The following RAB38 variants were observed in gnomAD, a reference collection of about 807,000 sequenced individuals.
The protein encoded by RAB38 is RAB38, member RAS oncogene family.
A neutral mutation model predicts 18.4 loss-of-function variants in RAB38; 15 were observed. The observed-to-expected ratio is 0.82, with a 90% CI of 0.55 to 1.26. RAB38 has a LOEUF of 1.26. RAB38 is among the 50% of genes most tolerant of loss of function. RAB38 has a pLI of 0.00. For missense variants in RAB38, 294 were observed against 267.4 expected (o/e 1.10, Z -0.69); for synonymous variants, 101 against 104.4 (o/e 0.97, Z 0.20).
chr11:87,974,680 T>A, the RAB38 span, among the ~76,000 whole-genome samples: 1 of 151,768 alleles, frequency 6.6e-6, no homozygotes, highest in African/African-American at 2.4e-5. Flanking sequence ...TAGTAGGATT[T>A]TTTTTTAATC....
At chr11:87,863,932 C>T in the RAB38 span, among the ~76,000 whole-genome samples, 1 of 151,686 alleles carries the variant, frequency 6.6e-6, no homozygotes. Context: ...TAATATGTAT[C>T]TTCCTATTCA....
chr11:87,967,485 CAA>C, the RAB38 span, among the ~76,000 whole-genome samples: 1 of 152,082 alleles, frequency 6.6e-6, no homozygotes, highest in Non-Finnish European at 1.5e-5. Flanking sequence ...AGTAAAAAAA[CAA>C]GACTATCCTT....
chr11:88,020,110 T>C, the RAB38 span, among the ~76,000 whole-genome samples: 2 of 152,188 alleles, frequency 1.3e-5, no homozygotes, highest in Non-Finnish European at 2.9e-5. Flanking sequence ...ACTGAAGATA[T>C]TGACAAGTAA....
chr11:87,949,714 T>G, the RAB38 span, among the ~76,000 whole-genome samples: 2 of 152,370 alleles, frequency 1.3e-5, no homozygotes, highest in African/African-American at 4.8e-5. Context: ...GTGAGTTTCT[T>G]AATCCTGAGT....
the RAB38 span, among the ~76,000 whole-genome samples, chr11:88,094,136 G>C: frequency 6.6e-6 from 1 of 151,804 alleles, no homozygotes; most frequent in Non-Finnish European, 1.5e-5. Flanking sequence ...AGTACAATAG[G>C]TAATACATAC....
chr11:88,167,912 T>C (rs1341849295), intron 1 of RAB38, among the ~76,000 whole-genome samples: 1 of 152,154 alleles, frequency 6.6e-6, no homozygotes, highest in Non-Finnish European at 1.5e-5. Context: ...TCTGGGAATA[T>C]GCATCCCAGA....
At chr11:87,962,864 T>A in the RAB38 span, among the ~76,000 whole-genome samples, 1 of 152,204 alleles carries the variant, frequency 6.6e-6, no homozygotes, top group African/African-American at 2.4e-5. Context: ...ACTAGCTTGA[T>A]TTAAACATTC....
chr11:88,159,312 C>G (rs1448160219), intron 1 of RAB38, among the ~76,000 whole-genome samples: 1 of 151,178 alleles, frequency 6.6e-6, no homozygotes, highest in Non-Finnish European at 1.5e-5. Flanking sequence ...AACTATGAAA[C>G]ACTACTAAAA....
At chr11:87,916,126 C>T in the RAB38 span, among the ~76,000 whole-genome samples, 1 of 152,042 alleles carries the variant, frequency 6.6e-6, no homozygotes, top group Non-Finnish European at 1.5e-5. Flanking sequence ...CTGATTTTGG[C>T]TTTTGTTTTG....
chr11:87,948,056 C>T, the RAB38 span, among the ~76,000 whole-genome samples: 2 of 152,062 alleles, frequency 1.3e-5, no homozygotes, highest in African/African-American at 4.8e-5. Context: ...TTGTTTGTAT[C>T]CTCTTTTATT....
chr11:87,952,919 TTTATTATAGACAA>T, the RAB38 span, among the ~76,000 whole-genome samples: 1 of 152,196 alleles, frequency 6.6e-6, no homozygotes, highest in Non-Finnish European at 1.5e-5. Flanking sequence ...TGTTTGTGTC[TTTATTATAGACAA>T]TAAGTATTTT....
At chr11:88,126,563 A>C (rs1389583794) in intron 2 of RAB38, among the ~76,000 whole-genome samples, 2 of 152,038 alleles carry the variant, frequency 1.3e-5, no homozygotes, top group Admixed American at 1.3e-4. Context: ...GGGTGGAGGG[A>C]GGGGGAAGGG....
the RAB38 span, among the ~76,000 whole-genome samples, chr11:87,833,746 G>T: frequency 7.9e-5 from 12 of 152,192 alleles, no homozygotes; most frequent in African/African-American, 2.9e-4. Context: ...CAGCTTCATA[G>T]TCTACCCTTC....
At chr11:87,899,095 G>T in the RAB38 span, among the ~76,000 whole-genome samples, 1 of 151,588 alleles carries the variant, frequency 6.6e-6, no homozygotes, top group Non-Finnish European at 1.5e-5. Flanking sequence ...CTCAATAGTG[G>T]AATGGGCTGC....
chr11:87,943,865 A>G, the RAB38 span, among the ~76,000 whole-genome samples: 2 of 152,306 alleles, frequency 1.3e-5, no homozygotes, highest in African/African-American at 4.8e-5. Context: ...TCAGTTCACA[A>G]AGTTGAGTAT....
chr11:87,882,565 C>G, the RAB38 span, among the ~76,000 whole-genome samples: 1 of 151,854 alleles, frequency 6.6e-6, no homozygotes, highest in Non-Finnish European at 1.5e-5. Flanking sequence ...CTGCTAGACA[C>G]TGTGTTAAAT....
the RAB38 span, among the ~76,000 whole-genome samples, chr11:87,924,684 C>T: frequency 1.3e-5 from 2 of 151,958 alleles, no homozygotes; most frequent in Non-Finnish European, 2.9e-5. Context: ...TATAACAGAT[C>T]TGTGGGATGG....
At chr11:88,004,489 A>G in the RAB38 span, among the ~76,000 whole-genome samples, 3 of 151,326 alleles carry the variant, frequency 2.0e-5, no homozygotes, top group Non-Finnish European at 4.4e-5. Context: ...ATCATAAAGG[A>G]CAACTATGAA....
At chr11:87,813,957 T>C in the RAB38 span, among the ~76,000 whole-genome samples, 2 of 152,224 alleles carry the variant, frequency 1.3e-5, no homozygotes, top group African/African-American at 4.8e-5. Flanking sequence ...TACTTGCTCC[T>C]TTTGATTCAG....
Sources: allele counts gnomAD v4.1 joint callset (sites outside exome capture counted in the v4.1 genomes callset), GRCh38; gene constraint gnomAD v4.1.1; transcripts MANE v1.5; gene names NCBI Gene and HGNC (gene_info 2026-07-23, HGNC 2026-07-21).